The following SYNDIG1 variants were observed in gnomAD, a reference collection of about 807,000 sequenced individuals.
SYNDIG1 encodes synapse differentiation-inducing gene protein 1.
In SYNDIG1, 9 loss-of-function variants were observed where a neutral mutation model predicts 19.4. That is an observed-to-expected ratio of 0.46 (90% CI 0.28 to 0.81). SYNDIG1 has a LOEUF of 0.81. SYNDIG1 is among the 30% of genes least tolerant of loss of function. SYNDIG1 has a pLI of 0.12. For missense variants in SYNDIG1, 311 were observed against 343.3 expected, an observed-to-expected ratio of 0.91 and a Z score of 0.74; for synonymous variants, 141 against 145.9, an observed-to-expected ratio of 0.97 and a Z score of 0.24.
At chr20:24,630,754 C>T (rs984570637) in intron 3 of SYNDIG1, among the ~76,000 whole-genome samples, 13 of 152,204 alleles carry the variant, frequency 8.5e-5, no homozygotes, top group Admixed American at 8.5e-4. Context: ...TGCCCTTGGG[C>T]CACCCCTGCT....
At chr20:24,609,488 T>C (rs1197540093) in intron 3 of SYNDIG1, among the ~76,000 whole-genome samples, 1 of 152,184 alleles carries the variant, frequency 6.6e-6, no homozygotes, top group Non-Finnish European at 1.5e-5. Flanking sequence ...AAGCTTTGCA[T>C]TGTGGCAGCA....
intron 3 of SYNDIG1, among the ~76,000 whole-genome samples, chr20:24,661,346 G>A (rs1170854823): frequency 8.4e-6 from 1 of 119,382 alleles, no homozygotes; most frequent in African/African-American, 2.8e-5. Context: ...GAGGAAGGAG[G>A]GAGAGAGGAG....
At chr20:24,586,259 C>T (rs756007450) in intron 3 of SYNDIG1, among the ~76,000 whole-genome samples, 2 of 152,180 alleles carry the variant, frequency 1.3e-5, no homozygotes, top group African/African-American at 2.4e-5. Context: ...TCTGCCGGGG[C>T]TAGGCTGAGC....
At chr20:24,503,675 C>G (rs1004954802) in intron 1 of SYNDIG1, among the ~76,000 whole-genome samples, 1 of 151,782 alleles carries the variant, frequency 6.6e-6, no homozygotes, top group Non-Finnish European at 1.5e-5. Context: ...TTATTGAGCT[C>G]ATGATCTCAG....
chr20:24,635,266 C>T (rs1168939148), intron 3 of SYNDIG1, among the ~76,000 whole-genome samples: 3 of 152,234 alleles, frequency 2.0e-5, no homozygotes, highest in Non-Finnish European at 4.4e-5. Context: ...AGAGCCCCAT[C>T]GTCCTGTCAC....
intron 2 of SYNDIG1, among the ~76,000 whole-genome samples, chr20:24,557,561 A>G (rs926242238): frequency 3.9e-5 from 6 of 152,300 alleles, no homozygotes; most frequent in African/African-American, 9.6e-5. Context: ...GGAGTTTGCT[A>G]GAGGTCCACT....
At chr20:24,640,247 T>C (rs1030022882) in intron 3 of SYNDIG1, among the ~76,000 whole-genome samples, 1 of 151,222 alleles carries the variant, frequency 6.6e-6, no homozygotes, top group Non-Finnish European at 1.5e-5. Context: ...GGCAGGAGAA[T>C]CTGGGAGGCA....
chr20:24,629,138 G>A (rs189975869), intron 3 of SYNDIG1, among the ~76,000 whole-genome samples: 45 of 152,354 alleles, frequency 3.0e-4, no homozygotes, highest in African/African-American at 9.6e-4. Context: ...GAACATGTGA[G>A]CCAGAAAGGC....
chr20:24,628,781 G>A (rs1475607772), intron 3 of SYNDIG1, among the ~76,000 whole-genome samples: 1 of 152,110 alleles, frequency 6.6e-6, no homozygotes, highest in African/African-American at 2.4e-5. Flanking sequence ...TCGCGCTAGG[G>A]CTCTGTCACC....
At position 24,648,907 on chromosome 20, in the gene SYNDIG1, G is replaced by C. The variant is rs868029943; in HGVS notation, c.619-16439G>C. Among the ~76,000 whole-genome samples, 9 of 152,216 alleles carry C rather than the reference G, an allele frequency of 5.9e-5. No homozygotes were observed. In the South Asian group the frequency reaches 1.4e-3, roughly 24 times the overall value. On this transcript the variant is annotated intron_variant, in intron 3 of 3. Transcript: ENST00000376862. ...TTGAATTTCTGTTGGAAAAGGTACT[G>C]ATTCTTATTATTCAGTTATATCTTG... is the stretch of plus-strand genomic sequence containing the variant.
chr20:24,647,945 G>A (rs1339573240), intron 3 of SYNDIG1, among the ~76,000 whole-genome samples: 2 of 151,828 alleles, frequency 1.3e-5, no homozygotes, highest in East Asian at 1.9e-4. Flanking sequence ...TCAGGTTCTG[G>A]GGAGGGCTCT....
At chr20:24,509,287 T>C (rs949988803) in intron 1 of SYNDIG1, among the ~76,000 whole-genome samples, 1 of 152,254 alleles carries the variant, frequency 6.6e-6, no homozygotes, top group Non-Finnish European at 1.5e-5. Context: ...ACTGTTTTTC[T>C]TTTCTCTGTC....
chr20:24,470,227 A>G (rs1011192261), intron 1 of SYNDIG1, among the ~76,000 whole-genome samples: 7 of 152,160 alleles, frequency 4.6e-5, no homozygotes, highest in Admixed American at 3.3e-4. Context: ...GAGACCAGCC[A>G]GGGCTGGTGA....
chr20:24,472,459 T>G (rs2055496286), intron 1 of SYNDIG1, among the ~76,000 whole-genome samples: 1 of 152,246 alleles, frequency 6.6e-6, no homozygotes, highest in Non-Finnish European at 1.5e-5. Context: ...TTTTTCTCAT[T>G]AATTTTAAAT....
chr20:24,584,732 A>C, intron 2 of SYNDIG1, 124 bp from the exon 3 acceptor site: 1 of 1,328,588 alleles, frequency 7.5e-7, no homozygotes, highest in Non-Finnish European at 1.1e-6. Flanking sequence ...CAACGTCAGC[A>C]ACTGCAGCTG....
chr20:24,665,591 C>G lies in SYNDIG1; in HGVS notation c.*87C>G. 3 of 1,529,274 alleles carry G rather than the reference C, an allele frequency of 2.0e-6. No individual in the cohort carries two copies. Among genetic ancestry groups the G allele is most frequent in the Middle Eastern group, 1.8e-4 (1 of 5,680 alleles). The allele number at this position is 1,529,274 out of a possible 1,614,324, so 94.7% of individuals were successfully genotyped here. On this transcript the variant is annotated 3_prime_UTR_variant, in exon 4 of 4. Coordinates refer to ENST00000376862, the MANE Select transcript of SYNDIG1 (RefSeq NM_024893.3). ...GCATACCGCATGATGCTGTACAGTA[C>G]AAATGATTGCCAAATGATGCCACGA...
In SYNDIG1 at chr20:24,652,846, G is replaced by A. The variant is rs146493568; in HGVS notation, c.619-12500G>A. Reference sequence around the variant, plus strand: ...ATCCAGACTCCTTGCTCCTGGAGGGGAGCCCCTGGGAATACTCTTCCAGAT... The same window carrying A: ...ATCCAGACTCCTTGCTCCTGGAGGGAAGCCCCTGGGAATACTCTTCCAGAT... On this transcript the variant is annotated intron_variant, in intron 3 of 3. Coordinates refer to ENST00000376862, the MANE Select transcript of SYNDIG1 (RefSeq NM_024893.3). Among the ~76,000 whole-genome samples, 738 of 152,284 alleles carry A rather than the reference G, an allele frequency of 4.8e-3. 9 individuals are homozygous for A. Among genetic ancestry groups the A allele is most frequent in the Non-Finnish European group, 7.7e-3 (523 of 68,018 alleles).
intron 3 of SYNDIG1, among the ~76,000 whole-genome samples, chr20:24,653,599 G>T (rs2059495134): frequency 6.6e-6 from 1 of 152,196 alleles, no homozygotes; most frequent in African/African-American, 2.4e-5. Flanking sequence ...AGGCCCCAGT[G>T]CTCCTTAGCC....
chr20:24,626,018 C>A (rs1207556592), intron 3 of SYNDIG1, among the ~76,000 whole-genome samples: 1 of 149,036 alleles, frequency 6.7e-6, no homozygotes, highest in Non-Finnish European at 1.5e-5. Context: ...CCCTCCCGGA[C>A]GGGGTGGCTG....
Sources: allele counts gnomAD v4.1 joint callset (sites outside exome capture counted in the v4.1 genomes callset), GRCh38; gene constraint gnomAD v4.1.1; transcripts MANE v1.5; gene names NCBI Gene and HGNC (gene_info 2026-07-23, HGNC 2026-07-21).